Variants in ZNF385D observed in about 807,000 individuals in gnomAD.
The protein encoded by ZNF385D is zinc finger protein 659.
Under a neutral mutation model 35.8 loss-of-function variants are expected in ZNF385D, and 15 were observed. The observed-to-expected ratio is 0.42, with a 90% CI of 0.28 to 0.64. The LOEUF (loss-of-function observed/expected upper bound fraction) is 0.64, where lower values mean the gene tolerates loss of function less well. Among genes scored for constraint, ZNF385D ranks in the 30% least tolerant of loss-of-function variants. The probability of loss-of-function intolerance (pLI) is 0.23; values close to 1 mark genes in which losing one functional copy is unlikely to be tolerated. For synonymous variants in ZNF385D, 212 were observed against 186.8 expected (o/e 1.13, Z -1.10); for missense variants, 474 against 494.6 (o/e 0.96, Z 0.39).
chr3:22,022,066 G>T (rs1229712942), intron 3 of ZNF385D, among the ~76,000 whole-genome samples: 1 of 152,068 alleles, frequency 6.6e-6, no homozygotes, highest in Non-Finnish European at 1.5e-5. Context: ...CTAATTGAGT[G>T]TGAGTAAAAT....
At chr3:21,943,406 A>G (rs767010337) in intron 3 of ZNF385D, among the ~76,000 whole-genome samples, 13 of 151,644 alleles carry the variant, frequency 8.6e-5, no homozygotes, top group Non-Finnish European at 1.9e-4. Context: ...CTATGTTCCA[A>G]TTTATCAAAT....
intron 3 of ZNF385D, among the ~76,000 whole-genome samples, chr3:21,949,546 C>CTTTTTTTTTTTTT (rs1553705221): frequency 3.2e-5 from 1 of 31,156 alleles, no homozygotes; most frequent in African/African-American, 1.4e-4. Context: ...TCCTTCTTTT[C>CTTTTTTTTTTTTT]TTTCTTTCTT....
intron 1 of ZNF385D, among the ~76,000 whole-genome samples, chr3:21,716,851 C>T (rs1050296585): frequency 2.0e-5 from 3 of 152,010 alleles, no homozygotes; most frequent in East Asian, 1.9e-4. Flanking sequence ...CAGGCTGGTG[C>T]GGTGGCTCAT....
chr3:21,549,708 G>T (rs1315789879), intron 3 of ZNF385D, among the ~76,000 whole-genome samples: 4 of 152,138 alleles, frequency 2.6e-5, no homozygotes, highest in African/African-American at 7.2e-5. Flanking sequence ...GACAGCTTTT[G>T]AAGAAGAAAA....
intron 3 of ZNF385D, among the ~76,000 whole-genome samples, chr3:22,084,091 A>T (rs1175518177): frequency 6.6e-6 from 1 of 152,234 alleles, no homozygotes; most frequent in African/African-American, 2.4e-5. Flanking sequence ...AGCACTAAAC[A>T]TGGAAAGGAA....
At chr3:22,178,250 T>C (rs1694970301) in intron 2 of ZNF385D, among the ~76,000 whole-genome samples, 1 of 152,196 alleles carries the variant, frequency 6.6e-6, no homozygotes, top group Non-Finnish European at 1.5e-5. Flanking sequence ...GTACCTGTTG[T>C]TTCCTGACTT....
intron 3 of ZNF385D, among the ~76,000 whole-genome samples, chr3:22,091,175 A>T (rs868280044): frequency 2.5e-4 from 38 of 152,154 alleles, no homozygotes; most frequent in African/African-American, 8.2e-4. Flanking sequence ...TCTAACAACT[A>T]ACTTAACTTG....
At chr3:21,759,164 T>C (rs1006687215) in intron 3 of ZNF385D, among the ~76,000 whole-genome samples, 10 of 151,960 alleles carry the variant, frequency 6.6e-5, no homozygotes, top group Non-Finnish European at 1.3e-4. Context: ...ATGAATACTC[T>C]AGGACATGTG....
At chr3:21,920,469 T>G (rs1700400227) in intron 3 of ZNF385D, among the ~76,000 whole-genome samples, 1 of 151,750 alleles carries the variant, frequency 6.6e-6, no homozygotes. Context: ...TATTAGTAGG[T>G]TTTTTTTAGG....
chr3:22,229,398 G>A (rs1281110473), intron 2 of ZNF385D, among the ~76,000 whole-genome samples: 1 of 152,122 alleles, frequency 6.6e-6, no homozygotes, highest in Non-Finnish European at 1.5e-5. Context: ...GGTGCCACAG[G>A]GTTTTCAGCA....
At chr3:21,976,263 G>C (rs534115823) in intron 3 of ZNF385D, among the ~76,000 whole-genome samples, 9 of 152,174 alleles carry the variant, frequency 5.9e-5, no homozygotes, top group African/African-American at 2.2e-4. Context: ...GAGATATTAA[G>C]TAATAGGACC....
At chr3:22,010,754 A>G (rs13072098) in intron 3 of ZNF385D, among the ~76,000 whole-genome samples, 16,451 of 152,244 alleles carry the variant, frequency 0.11, 1,186 homozygotes, top group South Asian at 0.26. Flanking sequence ...CTATCTCCTC[A>G]TAAGAATTTA....
At chr3:22,062,470 T>C (rs773095986) in intron 3 of ZNF385D, among the ~76,000 whole-genome samples, 1 of 152,232 alleles carries the variant, frequency 6.6e-6, no homozygotes, top group Non-Finnish European at 1.5e-5. Flanking sequence ...TACTGCCATA[T>C]AAAGGACTTG....
At chr3:21,632,735 C>T (rs1348855547) in intron 2 of ZNF385D, among the ~76,000 whole-genome samples, 2 of 152,222 alleles carry the variant, frequency 1.3e-5, no homozygotes, top group African/African-American at 2.4e-5. Context: ...GTGGGTCATA[C>T]ATCATCTCTG....
intron 3 of ZNF385D, among the ~76,000 whole-genome samples, chr3:21,971,955 T>C (rs1703287148): frequency 6.6e-6 from 1 of 152,038 alleles, no homozygotes; most frequent in South Asian, 2.1e-4. Context: ...CCCAGATATA[T>C]AAAGCACATA....
chr3:22,120,470 C>T (rs1278001746), intron 3 of ZNF385D, among the ~76,000 whole-genome samples: 1 of 152,106 alleles, frequency 6.6e-6, no homozygotes, highest in East Asian at 1.9e-4. Flanking sequence ...GTTCTATCCT[C>T]AAATAGTGTC....
chr3:22,296,910 A>G (rs931505426), intron 2 of ZNF385D, among the ~76,000 whole-genome samples: 1 of 152,064 alleles, frequency 6.6e-6, no homozygotes, highest in African/African-American at 2.4e-5. Flanking sequence ...TAAGGAGAAG[A>G]GATTATACAA....
intron 2 of ZNF385D, among the ~76,000 whole-genome samples, chr3:21,616,991 G>C (rs989933092): frequency 2.0e-5 from 3 of 152,076 alleles, no homozygotes; most frequent in Non-Finnish European, 4.4e-5. Context: ...TACCCTGTCT[G>C]CCTAAATCAC....
chr3:22,136,831 T>C (rs1206280126), intron 3 of ZNF385D, among the ~76,000 whole-genome samples: 1 of 152,014 alleles, frequency 6.6e-6, no homozygotes, highest in East Asian at 1.9e-4. Flanking sequence ...GAAAAATCAA[T>C]CTGAAAAGGC....
Sources: allele counts gnomAD v4.1 joint callset (sites outside exome capture counted in the v4.1 genomes callset), GRCh38; gene constraint gnomAD v4.1.1; transcripts MANE v1.5; gene names NCBI Gene and HGNC (gene_info 2026-07-23, HGNC 2026-07-21).